ZNF227: variants seen among roughly 807,000 people sequenced by gnomAD.
The protein encoded by ZNF227 is zinc finger protein 227.
Under a neutral mutation model 13.2 loss-of-function variants are expected in ZNF227, and 12 were observed. The ratio of observed to expected loss-of-function variants is 0.91; its 90% CI spans 0.58 to 1.47. The LOEUF is 1.47. Ranked by LOEUF, ZNF227 falls within the 40% of genes most tolerant of loss-of-function variation. ZNF227 has a pLI of 0.00. For missense variants in ZNF227, 885 were observed against 967.5 expected (o/e 0.91, Z 1.13); for synonymous variants, 338 against 326.0 (o/e 1.04, Z -0.40).
Position 44,229,820 on chromosome 19 carries a change from G to C in ZNF227, c.271+4G>C, listed in dbSNP as rs1973594634. The C allele has an allele frequency of 6.4e-7, 1 of 1,557,202 alleles. No individual in the cohort carries two copies. The highest frequency in any genetic ancestry group is 1.4e-5 in the African/African-American group (1 of 74,042). ...ATGGAAACAGAAACCCAAAGAAGTA[G>C]GTATTCTGGTGAGAACCCTGTGTCT... On this transcript the variant is annotated splice_donor_region_variant and intron_variant, in intron 5 of 5. Coordinates refer to ENST00000313040, the MANE Select transcript of ZNF227 (RefSeq NM_182490.3).
At chr19:44,230,943 A>ATCTATATCTATATCTATATCTATATC (rs1258578786) in intron 5 of ZNF227, among the ~76,000 whole-genome samples, 1 of 135,420 alleles carries the variant, frequency 7.4e-6, no homozygotes, top group African/African-American at 3.0e-5. Context: ...ATATATATAT[A>ATCTATATCTATATCTATATCTATATC]TATATATATA....
At chr19:44,219,148 A>G (rs1972184956) in intron 3 of ZNF227, among the ~76,000 whole-genome samples, 1 of 152,092 alleles carries the variant, frequency 6.6e-6, no homozygotes, top group Non-Finnish European at 1.5e-5. Flanking sequence ...CGGCCTCCCA[A>G]AGTGCTGGGA....
intron 4 of ZNF227, among the ~76,000 whole-genome samples, chr19:44,229,337 C>T (rs958670532): frequency 3.3e-5 from 5 of 152,158 alleles, no homozygotes; most frequent in Non-Finnish European, 7.4e-5. Flanking sequence ...AGAGGCCGGG[C>T]ATGGTGGCTT....
At position 44,235,757 on chromosome 19, in the gene ZNF227, A is replaced by C; in HGVS notation, c.1327A>C (p.Lys443Gln). The stretch of plus-strand genomic sequence containing the variant: ...ACCCTACAAGTGTGATGTGTGTGGT[A>C]AGGGCTTCAGCCACAATTCACCATT... ...EKPYKCDVCGKGFSHNSPLIC... is the reference protein window; with the variant it reads ...EKPYKCDVCGQGFSHNSPLIC... Residue 443 changes from lysine (K) to glutamine (Q), a missense_variant, in exon 6 of 6, where the codon AAG becomes CAG. Physicochemically the swap from Lys to Gln is moderately conservative, Grantham distance 53. Transcript: ENST00000313040. 1 of 1,614,092 alleles carries C rather than the reference A, an allele frequency of 6.2e-7. No individual in the cohort carries two copies. Among genetic ancestry groups the C allele is most frequent in the Non-Finnish European group, 8.5e-7 (1 of 1,180,022 alleles).
intron 5 of ZNF227, among the ~76,000 whole-genome samples, chr19:44,233,952 G>A (rs1031674207): frequency 6.6e-6 from 1 of 152,100 alleles, no homozygotes; most frequent in African/African-American, 2.4e-5. Context: ...CGTGTGTTAT[G>A]GAAGGCATCA....
In ZNF227 at chr19:44,228,562, G is replaced by T. The variant is rs749460637; in HGVS notation, c.177G>T (p.Leu59=). ...RDVMVENFKN[L]VAVGHLPFQP... is the part of the protein sequence containing the mutation. ...TCATGGTGGAGAACTTCAAGAACCT[G>T]GTTGCAGTGGGTGAGGACAGGCACT... is the stretch of plus-strand genomic sequence containing the variant. Residue 59 remains leucine (L), a synonymous_variant, in exon 4 of 6, where the codon CTG becomes CTT. Transcript: ENST00000313040. 5 of 1,611,954 alleles carry T rather than the reference G, an allele frequency of 3.1e-6. No individual in the cohort carries two copies. In the East Asian group the frequency reaches 6.7e-5, roughly 22 times the overall value.
upstream of ZNF227, chr19:44,212,440 T>C (rs1367920682): frequency 6.6e-6 from 1 of 150,394 alleles, no homozygotes; most frequent in East Asian, 2.0e-4. Context: ...CTGGAAGTTC[T>C]GGGAAACGTA....
intron 2 of ZNF227, among the ~76,000 whole-genome samples, chr19:44,216,481 G>T (rs2122689798): frequency 6.6e-6 from 1 of 152,090 alleles, no homozygotes; most frequent in East Asian, 1.9e-4. Context: ...TTTGTTTAGG[G>T]TATGTTTATT....
Position 44,236,117 on chromosome 19 carries a change from CTT to C in ZNF227, c.1688_1689del (p.Leu563GlnfsTer14), listed in dbSNP as rs750706458. On this transcript the variant is annotated frameshift_variant, in exon 6 of 6. Coordinates refer to ENST00000313040, the MANE Select transcript of ZNF227 (RefSeq NM_182490.3). LOFTEE classifies it low-confidence loss of function (END_TRUNC). ...CGKDFSYSSN[L>X]KLHQVIHTGE... ...TAAGGACTTCAGTTATAGTTCAAAT[CTT>C]AAACTACACCAAGTAATTCACACTG... The C allele has an allele frequency of 6.8e-6, 11 of 1,613,904 alleles. 1 individual carries two copies. In the Admixed American group the frequency reaches 1.8e-4, roughly 27 times the overall value.
intron 1 of ZNF227, 135 bp from the exon 2 acceptor site, chr19:44,212,955 C>CA (rs1219143602): frequency 6.6e-6 from 1 of 152,234 alleles, no homozygotes; most frequent in African/African-American, 2.4e-5. Flanking sequence ...GATTCCCTCA[C>CA]AAGCGCCCTT....
At position 44,231,440 on chromosome 19, in the gene ZNF227, A is replaced by G. The variant is rs140345684; in HGVS notation, c.271+1624A>G. Among the ~76,000 whole-genome samples the G allele has an allele frequency of 1.5e-4, 23 of 151,804 alleles. 1 individual carries two copies. The East Asian group carries it at 3.9e-3, about 26-fold the overall frequency. ...AACCTTCGCCTCCTGGGTTCAAGCAATTCTGCTTTAGCCTCCCGAGTAGCT... is the reference window on the plus strand; with the variant it reads ...AACCTTCGCCTCCTGGGTTCAAGCAGTTCTGCTTTAGCCTCCCGAGTAGCT... On this transcript the variant is annotated intron_variant, in intron 5 of 5. Coordinates refer to ENST00000313040, the MANE Select transcript of ZNF227 (RefSeq NM_182490.3).
At chr19:44,209,515 T>C (rs1183280205), upstream of ZNF227, among the ~76,000 whole-genome samples, 2 of 152,214 alleles carry the variant, frequency 1.3e-5, no homozygotes, top group Admixed American at 1.3e-4. Flanking sequence ...TGGAAAGGAA[T>C]AGTTATGAAT....
intron 3 of ZNF227, among the ~76,000 whole-genome samples, chr19:44,219,977 G>C (rs1972301065): frequency 6.6e-6 from 1 of 150,480 alleles, no homozygotes; most frequent in Admixed American, 6.6e-5. Flanking sequence ...TCCCCTTCCT[G>C]TGTCCATGTG....
In ZNF227 at chr19:44,235,235, C is replaced by T. The variant is rs1462710486; in HGVS notation, c.805C>T (p.Pro269Ser). ...FSYSPRLPLHPNVHTGEKCFS... is the reference protein window; with the variant it reads ...FSYSPRLPLHSNVHTGEKCFS... The stretch of plus-strand genomic sequence containing the variant: ...TTATAGCCCAAGGCTTCCCCTTCAT[C>T]CGAATGTTCATACAGGAGAAAAATG... Residue 269 changes from proline (P) to serine (S), a missense_variant, in exon 6 of 6, where the codon CCG (proline) becomes TCG (serine). Coordinates refer to ENST00000313040, the MANE Select transcript of ZNF227 (RefSeq NM_182490.3). 2 of 1,614,086 alleles carry T rather than the reference C, an allele frequency of 1.2e-6. No homozygotes were observed. The highest frequency in any genetic ancestry group is 1.7e-6 in the Non-Finnish European group (2 of 1,180,010).
chr19:44,232,707 G>A (rs967458450), intron 5 of ZNF227, among the ~76,000 whole-genome samples: 1 of 150,384 alleles, frequency 6.6e-6, no homozygotes, highest in African/African-American at 2.5e-5. Flanking sequence ...ATGCTCCGTC[G>A]TCCAGGCTAA....
At position 44,235,123 on chromosome 19, in the gene ZNF227, T is replaced by C. The variant is rs778369804; in HGVS notation, c.693T>C (p.Tyr231=). 2.5e-6 allele frequency: 4 copies of C among 1,614,140 alleles called. No homozygotes were observed. The highest frequency in any genetic ancestry group is 1.1e-5 in the South Asian group (1 of 91,080). Residue 231 remains tyrosine (Y), a synonymous_variant, in exon 6 of 6, where the codon TAT becomes TAC. Coordinates refer to ENST00000313040, the MANE Select transcript of ZNF227 (RefSeq NM_182490.3). ...TEPKPCKGNE[Y]GKIISDGSNQ... The stretch of plus-strand genomic sequence containing the variant: ...CAAAACCCTGCAAAGGTAATGAATA[T>C]GGCAAAATCATTAGTGATGGCTCCA...
rs115121913 is a variant in ZNF227, at chr19:44,236,964, A to G, written c.*134A>G. The G allele has an allele frequency of 1.7e-3, 1,152 of 689,460 alleles. 13 individuals carry two copies. The African/African-American group carries it at 0.018, about 11-fold the overall frequency. 42.7% of individuals were successfully genotyped at this position (689,460 alleles called of 1,614,324 possible). The stretch of plus-strand genomic sequence containing the variant: ...GTTCACACTTGGAATCTTTCTAACA[A>G]ATCCATCAAGATGATAACACAGAAC... On this transcript the variant is annotated 3_prime_UTR_variant, in exon 6 of 6. Transcript: ENST00000313040.
At chr19:44,217,759 T>G (rs759434814) in intron 2 of ZNF227, 32 bp from the exon 3 acceptor site, 2 of 1,612,140 alleles carry the variant, frequency 1.2e-6, no homozygotes, top group African/African-American at 1.3e-5. Context: ...AACAGCAGGC[T>G]TGTGTCTCAT....
At chr19:44,227,605 G>A (rs1360836153) in intron 3 of ZNF227, among the ~76,000 whole-genome samples, 2 of 152,188 alleles carry the variant, frequency 1.3e-5, no homozygotes, top group Non-Finnish European at 2.9e-5. Flanking sequence ...AGGCTGAAGT[G>A]CAGTGGCACA....
Sources: allele counts gnomAD v4.1 joint callset (sites outside exome capture counted in the v4.1 genomes callset), GRCh38; gene constraint gnomAD v4.1.1; transcripts MANE v1.5; gene names NCBI Gene and HGNC (gene_info 2026-07-23, HGNC 2026-07-21).